The following PTPRG variants were observed in gnomAD, a reference collection of about 807,000 sequenced individuals.
PTPRG encodes the protein protein tyrosine phosphatase receptor type G.
A neutral mutation model predicts 165.3 loss-of-function variants in PTPRG; 102 were observed. The ratio of observed to expected loss-of-function variants is 0.62; its 90% CI spans 0.53 to 0.73. The LOEUF (loss-of-function observed/expected upper bound fraction) is 0.73, where lower values mean the gene tolerates loss of function less well. PTPRG is among the 30% of genes least tolerant of loss of function. PTPRG has a pLI of 0.00. For missense variants in PTPRG, 1,866 were observed against 1,861.4 expected, an observed-to-expected ratio of 1.00 and a Z score of -0.05; for synonymous variants, 675 against 669.5, an observed-to-expected ratio of 1.01 and a Z score of -0.13.
Position 61,989,756 on chromosome 3 carries a change from G to T in PTPRG, c.322G>T (p.Asp108Tyr). ...EYQELQLDGF[D>Y]NESSNKTWMK... ...CCAGGAACTGCAACTCGATGGCTTC[G>T]ACAATGAGTCTTCTAACAAAACCTG... The change falls in exon 3 of 30, where the codon GAC (aspartate) becomes TAC (tyrosine). Residue 108 changes from aspartate to tyrosine, a missense_variant. Physicochemically the swap from Asp to Tyr is radical, Grantham distance 160. This residue lies in a region of PTPRG where 408 missense variants were observed against 376.2 expected (regional missense o/e 1.08). Transcript: ENST00000474889. 6.2e-7 allele frequency: 1 copy of T among 1,614,066 alleles called. No homozygotes were observed.
chr3:62,230,758 A>G (rs1431343499), intron 13 of PTPRG, among the ~76,000 whole-genome samples: 4 of 152,212 alleles, frequency 2.6e-5, no homozygotes, highest in Non-Finnish European at 5.9e-5. Flanking sequence ...CATGGGGTAA[A>G]AGACAAAACC....
intron 27 of PTPRG, among the ~76,000 whole-genome samples, chr3:62,282,296 T>C (rs978724045): frequency 6.6e-6 from 1 of 152,020 alleles, no homozygotes; most frequent in Non-Finnish European, 1.5e-5. Context: ...TCATCAAAGC[T>C]CAGTGTAACC....
At chr3:62,014,775 G>A (rs1358735885) in intron 4 of PTPRG, among the ~76,000 whole-genome samples, 1 of 152,136 alleles carries the variant, frequency 6.6e-6, no homozygotes, top group Non-Finnish European at 1.5e-5. Flanking sequence ...TCATTTATTG[G>A]AAGGGTATAA....
intron 1 of PTPRG, among the ~76,000 whole-genome samples, chr3:61,572,153 G>A (rs555014800): frequency 6.6e-6 from 1 of 152,292 alleles, no homozygotes; most frequent in African/African-American, 2.4e-5. Flanking sequence ...CCATTATCTT[G>A]CTAACCTTGC....
chr3:61,987,984 T>TA (rs1459963342), intron 2 of PTPRG, among the ~76,000 whole-genome samples: 5 of 152,042 alleles, frequency 3.3e-5, no homozygotes, highest in Non-Finnish European at 5.9e-5. Context: ...GACAAAGAGG[T>TA]AAAAAAATAC....
chr3:61,747,819 T>G (rs2033269714), intron 1 of PTPRG, among the ~76,000 whole-genome samples: 1 of 152,204 alleles, frequency 6.6e-6, no homozygotes, highest in Admixed American at 6.5e-5. Context: ...AAAGCAGGCT[T>G]GCTTTTGTTT....
In PTPRG at chr3:62,257,734, C is replaced by T. The variant is rs1166611169; in HGVS notation, c.2559+2519C>T. On this transcript the variant is annotated intron_variant, in intron 16 of 29. Coordinates refer to ENST00000474889, the MANE Select transcript of PTPRG (RefSeq NM_002841.4). ...CTTTGGGAGAACAAGGTGGGAGGATCGCTTGAGATCAGGAGTTCCCAACCA... is the reference window on the plus strand; with the variant it reads ...CTTTGGGAGAACAAGGTGGGAGGATTGCTTGAGATCAGGAGTTCCCAACCA... Among the ~76,000 whole-genome samples the T allele has an allele frequency of 5.3e-5, 8 of 152,106 alleles. No individual in the cohort carries two copies. The East Asian group carries it at 1.2e-3, about 22-fold the overall frequency.
At chr3:62,091,228 G>A (rs746755040) in intron 5 of PTPRG, among the ~76,000 whole-genome samples, 1 of 152,148 alleles carries the variant, frequency 6.6e-6, no homozygotes, top group South Asian at 2.1e-4. Context: ...TTGTTGGAGG[G>A]TGCTTCAGAT....
chr3:62,292,819 G>A (rs1702947230), intron 29 of PTPRG: 2 of 484,410 alleles, frequency 4.1e-6, no homozygotes, highest in Non-Finnish European at 7.2e-6. Flanking sequence ...TAGTGCTCAG[G>A]TTGAGAAGCC....
intron 4 of PTPRG, among the ~76,000 whole-genome samples, chr3:62,060,770 G>T (rs1277396184): frequency 6.6e-6 from 1 of 152,102 alleles, no homozygotes; most frequent in African/African-American, 2.4e-5. Flanking sequence ...ATTCTTGCCT[G>T]CATTTTCAGT....
rs79200663 is a variant in PTPRG at position 62,177,001 on chromosome 3, C to T, written c.1033+8838C>T. Among the ~76,000 whole-genome samples, 22 of 152,200 alleles carry T rather than the reference C, an allele frequency of 1.4e-4. No homozygotes were observed. The East Asian group carries it at 2.9e-3, about 20-fold the overall frequency. Reference sequence around the variant, plus strand: ...TAATAAGGCAGAGCCCAGTGGCTCACGCTTGTAATCCCAACACTTTGGGAG... The same window carrying T: ...TAATAAGGCAGAGCCCAGTGGCTCATGCTTGTAATCCCAACACTTTGGGAG... On this transcript the variant is annotated intron_variant, in intron 8 of 29. Coordinates refer to ENST00000474889, the MANE Select transcript of PTPRG (RefSeq NM_002841.4).
intron 2 of PTPRG, among the ~76,000 whole-genome samples, chr3:61,860,181 T>C (rs906516926): frequency 3.9e-5 from 6 of 152,048 alleles, no homozygotes; most frequent in African/African-American, 1.2e-4. Context: ...TTCCTCAGGG[T>C]TGGATATGAA....
chr3:61,684,863 A>G (rs1000358186), intron 1 of PTPRG, among the ~76,000 whole-genome samples: 1 of 152,186 alleles, frequency 6.6e-6, no homozygotes. Context: ...AAATGAACCA[A>G]TATGGGGTGG....
chr3:61,598,991 T>C (rs897463227), intron 1 of PTPRG, among the ~76,000 whole-genome samples: 2 of 152,158 alleles, frequency 1.3e-5, no homozygotes, highest in African/African-American at 2.4e-5. Context: ...ATTAATGATA[T>C]CTGCAGTGAC....
intron 3 of PTPRG, among the ~76,000 whole-genome samples, chr3:61,998,156 A>G (rs964541145): frequency 2.0e-5 from 3 of 152,208 alleles, no homozygotes; most frequent in Non-Finnish European, 4.4e-5. Context: ...ATGTCCTGCA[A>G]AGAATGCTAT....
intron 5 of PTPRG, among the ~76,000 whole-genome samples, chr3:62,122,293 A>G (rs1703104278): frequency 6.6e-6 from 1 of 152,210 alleles, no homozygotes; most frequent in Non-Finnish European, 1.5e-5. Flanking sequence ...GGATGATGAC[A>G]AGGAGCTTAA....
In PTPRG at chr3:62,003,216, C is replaced by T. The variant is rs185675383; in HGVS notation, c.371-133C>T. 1.8e-5 allele frequency: 19 copies of T among 1,037,682 alleles called. No individual in the cohort carries two copies. In the East Asian group the frequency reaches 4.6e-4, roughly 25 times the overall value. 64.3% of individuals were successfully genotyped at this position (1,037,682 alleles called of 1,614,324 possible). ...AATTTATTCAGGCGGGTGTGTTCAA[C>T]ATATTTTTTCATAGGTACATGAGGA... On this transcript the variant is annotated intron_variant, in intron 3 of 29. Coordinates refer to ENST00000474889, the MANE Select transcript of PTPRG (RefSeq NM_002841.4).
rs540049841 is a variant in PTPRG at position 61,835,415 on chromosome 3, C to T, written c.190+86433C>T. 9.2e-5 allele frequency among the ~76,000 whole-genome samples: 14 copies of T among 152,246 alleles called. 1 individual carries two copies. The South Asian group carries it at 2.9e-3, about 32-fold the overall frequency. On this transcript the variant is annotated intron_variant, in intron 2 of 29. Coordinates refer to ENST00000474889, the MANE Select transcript of PTPRG (RefSeq NM_002841.4). ...GTGGTGCGATCTCAGCTCACTGCAA[C>T]CTCTGCCTCCTGGATTCAAGCGATT...
intron 2 of PTPRG, among the ~76,000 whole-genome samples, chr3:61,953,693 A>T (rs1334980470): frequency 4.6e-5 from 7 of 152,138 alleles, no homozygotes; most frequent in East Asian, 3.9e-4. Flanking sequence ...TTCTTCTCCA[A>T]TGTAGAAGGG....
Sources: allele counts gnomAD v4.1 joint callset (sites outside exome capture counted in the v4.1 genomes callset), GRCh38; gene constraint gnomAD v4.1.1; regional missense constraint gnomAD v4.1.1; transcripts MANE v1.5; gene names NCBI Gene and HGNC (gene_info 2026-07-23, HGNC 2026-07-21).